The following RC3H2 variants were observed in gnomAD, a reference collection of about 807,000 sequenced individuals.
RC3H2 encodes ring finger and CCCH-type domains 2, also known as roquin-2.
In RC3H2, 31 loss-of-function variants were observed where a neutral mutation model predicts 133.3. The observed-to-expected ratio is 0.23, with a 90% confidence interval of 0.17 to 0.31. The LOEUF is 0.31. RC3H2 is among the 10% of genes least tolerant of loss of function. The pLI is 1.00. For synonymous variants in RC3H2, 517 were observed against 502.2 expected, an observed-to-expected ratio of 1.03 and a Z score of -0.40; for missense variants, 1,175 against 1,437.2, an observed-to-expected ratio of 0.82 and a Z score of 2.95.
intron 18 of RC3H2, among the ~76,000 whole-genome samples, chr9:122,852,844 A>C (rs1830102160): frequency 6.6e-6 from 1 of 151,980 alleles, no homozygotes; most frequent in Non-Finnish European, 1.5e-5. Flanking sequence ...GGAAGTGAGG[A>C]GCCCCTCTGC....
rs764724224 is a variant in RC3H2, at chr9:122,849,799, G to A, written c.3404C>T (p.Pro1135Leu). 10 of 1,566,878 alleles carry A rather than the reference G, an allele frequency of 6.4e-6. No homozygotes were observed. Among genetic ancestry groups the A allele is most frequent in the African/African-American group, 1.4e-5 (1 of 72,282 alleles). ...TGGCTGGCTAAAGCAAGAAGTTACC[G>A]GCAGAATTGTTTTTTGCTCCTCCCT... Reference protein sequence around the residue: ...VILEEQKTILPVTSCFSQPLP... With the variant: ...VILEEQKTILLVTSCFSQPLP... The change falls in exon 21 of 21, where the codon CCG (proline) becomes CTG (leucine). Residue 1135 changes from proline to leucine, a missense_variant. Physicochemically the swap from Pro to Leu is moderately conservative, Grantham distance 98. This residue lies in a region of RC3H2 where 220 missense variants were observed against 201.1 expected (regional missense o/e 1.09). Coordinates refer to ENST00000357244, the MANE Select transcript of RC3H2 (RefSeq NM_001100588.3).
intron 17 of RC3H2, 38 bp from the exon 18 acceptor site, chr9:122,854,124 A>G (rs199513585): frequency 6.2e-7 from 1 of 1,612,124 alleles, no homozygotes; most frequent in African/African-American, 1.3e-5. Flanking sequence ...TTAGCTTCCA[A>G]CTATAGCTTT....
At chr9:122,869,062 C>T (rs965445396) in intron 9 of RC3H2, among the ~76,000 whole-genome samples, 50 of 151,944 alleles carry the variant, frequency 3.3e-4, no homozygotes, top group African/African-American at 8.7e-4. Flanking sequence ...CCTGCCACCA[C>T]GCCTGGTTAA....
In RC3H2 at chr9:122,865,436, C is replaced by G; in HGVS notation, c.1547G>C (p.Arg516Thr). ...LISRSTDSTL[R>T]ALETVKKVGK... is the part of the protein sequence containing the mutation. Reference sequence around the variant, plus strand: ...CACTTTCTTCACGGTCTCCAGAGCTCTTAAGGTACTGTCAGTACTACGTGA... The same window carrying G: ...CACTTTCTTCACGGTCTCCAGAGCTGTTAAGGTACTGTCAGTACTACGTGA... Residue 516 changes from arginine to threonine, a missense_variant, in exon 10 of 21, where the codon AGA (arginine) becomes ACA (threonine). Coordinates refer to ENST00000357244, the MANE Select transcript of RC3H2 (RefSeq NM_001100588.3). The G allele has an allele frequency of 6.2e-7, 1 of 1,614,234 alleles. No homozygotes were observed. The highest frequency in any genetic ancestry group is 2.2e-5 in the East Asian group (1 of 44,888).
At chr9:122,877,941 A>C (rs968402829) in intron 8 of RC3H2, among the ~76,000 whole-genome samples, 29 of 152,224 alleles carry the variant, frequency 1.9e-4, no homozygotes, top group South Asian at 1.0e-3. Context: ...TTAAAAAAAA[A>C]CCAAAAGCTT....
Position 122,851,539 on chromosome 9 carries a change from C to G in RC3H2, c.3118-103G>C, listed in dbSNP as rs1179901884. Reference sequence around the variant, plus strand: ...CCCTCTCTTTCCATGGTCTCCCTCTCATGCCGAGCCGAAGCTGGACTATAC... The same window carrying G: ...CCCTCTCTTTCCATGGTCTCCCTCTGATGCCGAGCCGAAGCTGGACTATAC... On this transcript the variant is annotated intron_variant, in intron 18 of 20. Transcript: ENST00000357244. 1.6e-5 allele frequency: 24 copies of G among 1,454,668 alleles called. No homozygotes were observed. In the Admixed American group the frequency reaches 1.9e-4, roughly 12 times the overall value. 90.1% of individuals were successfully genotyped at this position (1,454,668 alleles called of 1,614,324 possible). A position where few individuals can be genotyped will look rare whatever the true frequency, so the allele number is the denominator to read the frequency against.
At chr9:122,850,424 T>A (rs1185549577) in intron 20 of RC3H2, among the ~76,000 whole-genome samples, 1 of 107,934 alleles carries the variant, frequency 9.3e-6, no homozygotes, top group African/African-American at 4.8e-5. Context: ...CTATATTATA[T>A]GCTATCTATC....
intron 1 of RC3H2, among the ~76,000 whole-genome samples, chr9:122,901,258 G>C (rs763962510): frequency 1.3e-5 from 2 of 152,126 alleles, no homozygotes; most frequent in African/African-American, 4.8e-5. Flanking sequence ...AGGAATATAA[G>C]CTACTGAAAT....
chr9:122,851,136 G>C lies in RC3H2; in HGVS notation c.3325C>G (p.Gln1109Glu). 1 of 1,614,116 alleles carries C rather than the reference G, an allele frequency of 6.2e-7. No individual in the cohort carries two copies. The highest frequency in any genetic ancestry group is 2.2e-5 in the East Asian group (1 of 44,880). ...TTCTTCTGCTTTGGTGGCTCCTTTT[G>C]GTGCTGCTGTACTGGATGCCCATTT... ...VENGHPVQQH[Q>E]KEPPKQKKQS... The change falls in exon 20 of 21, where the codon CAA (glutamine) becomes GAA (glutamate). Residue 1109 changes from glutamine (Q) to glutamate (E), a missense_variant. Gln to Glu is a conservative substitution (Grantham distance 29). This residue lies in a region of RC3H2 where 220 missense variants were observed against 201.1 expected (regional missense o/e 1.09). Coordinates refer to ENST00000357244, the MANE Select transcript of RC3H2 (RefSeq NM_001100588.3).
At position 122,858,992 on chromosome 9, in the gene RC3H2, A is replaced by G. The variant is rs1391039369; in HGVS notation, c.1960T>C (p.Tyr654His). ...ESSLPPASMP[Y>H]ADHYSTFSPR... Reference sequence around the variant, plus strand: ...GAAAATGTACTGTAATGATCGGCATATGGCATGGAAGCAGGTGGGAGGGAG... The same window carrying G: ...GAAAATGTACTGTAATGATCGGCATGTGGCATGGAAGCAGGTGGGAGGGAG... The change falls in exon 12 of 21, where the codon TAT becomes CAT. Residue 654 changes from tyrosine to histidine, a missense_variant. Transcript: ENST00000357244. The G allele has an allele frequency of 6.2e-7, 1 of 1,614,036 alleles. No homozygotes were observed. Among genetic ancestry groups the G allele is most frequent in the African/African-American group, 1.3e-5 (1 of 74,938 alleles).
At chr9:122,879,575 T>C (rs1477791405) in intron 8 of RC3H2, among the ~76,000 whole-genome samples, 180 bp downstream of exon 8, 2 of 152,176 alleles carry the variant, frequency 1.3e-5, no homozygotes, top group South Asian at 2.1e-4. Flanking sequence ...CTCTAAACTC[T>C]TGGTGTGCTA....
chr9:122,880,249 A>C (rs1831557495), intron 6 of RC3H2, 124 bp from the exon 7 acceptor site: 1 of 1,095,630 alleles, frequency 9.1e-7, no homozygotes. Flanking sequence ...CAGTAGGAGT[A>C]TCAGTGATGA....
rs552117304 is a variant in RC3H2, at chr9:122,873,649, G to C, written c.1325+3822C>G. On this transcript the variant is annotated intron_variant, in intron 9 of 20. Coordinates refer to ENST00000357244, the MANE Select transcript of RC3H2 (RefSeq NM_001100588.3). Reference sequence around the variant, plus strand: ...AATCCCCTGAGCCTGGGAGGCAGAAGTTGCAAGTGAGCCAAGATCATACCA... The same window carrying C: ...AATCCCCTGAGCCTGGGAGGCAGAACTTGCAAGTGAGCCAAGATCATACCA... The C allele has an allele frequency of 2.0e-5, 3 of 152,014 alleles. No individual in the cohort carries two copies. The South Asian group carries it at 6.2e-4, about 32-fold the overall frequency. The allele number at this position is 152,014 out of a possible 1,614,324, so 9.4% of individuals were successfully genotyped here. A position where few individuals can be genotyped will look rare whatever the true frequency, so the allele number is the denominator to read the frequency against.
chr9:122,869,573 T>G (rs1249747272), intron 9 of RC3H2, among the ~76,000 whole-genome samples: 1 of 150,958 alleles, frequency 6.6e-6, no homozygotes, highest in Non-Finnish European at 1.5e-5. Flanking sequence ...TTTTTTTTTT[T>G]TTTTTTTTGA....
Position 122,892,737 on chromosome 9 carries a change from T to C in RC3H2, c.349+172A>G, listed in dbSNP as rs1490651903. ...TAGCTTGAATTCTTAATAACAATAT[T>C]GGTTATTTTCAGAAAATAGGACAAC... On this transcript the variant is annotated intron_variant, in intron 3 of 20. Coordinates refer to ENST00000357244, the MANE Select transcript of RC3H2 (RefSeq NM_001100588.3). 2.0e-5 allele frequency among the ~76,000 whole-genome samples: 3 copies of C among 152,084 alleles called. No homozygotes were observed. In the East Asian group the frequency reaches 5.8e-4, roughly 29 times the overall value.
At chr9:122,861,517 A>AG (rs1244299708) in intron 10 of RC3H2, among the ~76,000 whole-genome samples, 1 of 150,770 alleles carries the variant, frequency 6.6e-6, no homozygotes, top group Admixed American at 6.6e-5. Context: ...AAAGAAAAGA[A>AG]AAAAAACCAT....
intron 1 of RC3H2, 76 bp downstream of exon 1, chr9:122,905,034 T>C: frequency 2.1e-6 from 2 of 950,354 alleles, no homozygotes; most frequent in Non-Finnish European, 2.5e-6. Context: ...GGGCTGAGAC[T>C]GGTCTCCCGC....
At chr9:122,896,584 A>G (rs1201167078) in intron 2 of RC3H2, among the ~76,000 whole-genome samples, 1 of 152,244 alleles carries the variant, frequency 6.6e-6, no homozygotes, top group Non-Finnish European at 1.5e-5. Context: ...TACAATCATG[A>G]AAATCAGGTA....
chr9:122,881,895 G>A (rs1831654205), intron 5 of RC3H2, among the ~76,000 whole-genome samples: 1 of 152,206 alleles, frequency 6.6e-6, no homozygotes, highest in Non-Finnish European at 1.5e-5. Context: ...TTTGGTAACA[G>A]TAGAGGATAA....
Sources: allele counts gnomAD v4.1 joint callset (sites outside exome capture counted in the v4.1 genomes callset), GRCh38; gene constraint gnomAD v4.1.1; regional missense constraint gnomAD v4.1.1; transcripts MANE v1.5; gene names NCBI Gene and HGNC (gene_info 2026-07-23, HGNC 2026-07-21).